Variants in CNTN4 observed in about 807,000 individuals in gnomAD.
The protein encoded by CNTN4 is contactin-4.
In CNTN4, 77 loss-of-function variants were observed where a neutral mutation model predicts 122.5. The observed-to-expected ratio is 0.63, with a 90% CI of 0.52 to 0.76. The LOEUF (loss-of-function observed/expected upper bound fraction) is 0.76, where lower values mean the gene tolerates loss of function less well. Ranked by LOEUF, CNTN4 falls within the 30% of genes least tolerant of loss-of-function variation. The pLI is 0.00. For synonymous variants in CNTN4, 512 were observed against 447.0 expected (o/e 1.15, Z -1.83); for missense variants, 1,256 against 1,259.1 (o/e 1.00, Z 0.04).
chr3:2,459,734 A>T (rs2049132539), intron 3 of CNTN4, among the ~76,000 whole-genome samples: 1 of 152,152 alleles, frequency 6.6e-6, no homozygotes, highest in African/African-American at 2.4e-5. Flanking sequence ...TATGGCTGCA[A>T]CAAAAGGCTA....
intron 3 of CNTN4, among the ~76,000 whole-genome samples, chr3:2,550,958 G>A (rs1176439971): frequency 2.0e-5 from 3 of 152,028 alleles, no homozygotes; most frequent in Non-Finnish European, 2.9e-5. Flanking sequence ...CGGGGGAGTG[G>A]GGAAGCTAGT....
At chr3:2,852,674 T>G (rs2093566487) in intron 7 of CNTN4, among the ~76,000 whole-genome samples, 1 of 152,206 alleles carries the variant, frequency 6.6e-6, no homozygotes, top group African/African-American at 2.4e-5. Flanking sequence ...TAAGTAACTT[T>G]CCATGCTCAC....
At chr3:2,244,837 G>C (rs1243575081) in intron 2 of CNTN4, among the ~76,000 whole-genome samples, 1 of 152,046 alleles carries the variant, frequency 6.6e-6, no homozygotes, top group Non-Finnish European at 1.5e-5. Flanking sequence ...TCAAGGGCTT[G>C]TGCTCTGAAT....
chr3:2,703,963 G>C (rs554285871), intron 4 of CNTN4, among the ~76,000 whole-genome samples: 2 of 152,156 alleles, frequency 1.3e-5, no homozygotes, highest in African/African-American at 4.8e-5. Context: ...AAGAGGAGAA[G>C]AGATGAGAAA....
chr3:2,829,677 A>T (rs536295416), intron 7 of CNTN4, among the ~76,000 whole-genome samples: 2 of 152,342 alleles, frequency 1.3e-5, no homozygotes, highest in South Asian at 4.1e-4. Context: ...TGAATGTTTC[A>T]TGACTATACT....
At chr3:2,314,930 AT>A (rs2043042893) in intron 2 of CNTN4, among the ~76,000 whole-genome samples, 2 of 152,066 alleles carry the variant, frequency 1.3e-5, no homozygotes. Context: ...TTATTATATC[AT>A]GTTTCAGGTA....
intron 4 of CNTN4, among the ~76,000 whole-genome samples, chr3:2,641,392 G>A (rs1403957915): frequency 6.6e-6 from 1 of 152,102 alleles, no homozygotes. Context: ...CACTTAAATT[G>A]TCCAGAAATC....
chr3:2,888,873 A>G (rs1230536198), intron 10 of CNTN4, among the ~76,000 whole-genome samples: 1 of 152,072 alleles, frequency 6.6e-6, no homozygotes, highest in Non-Finnish European at 1.5e-5. Flanking sequence ...TCCACTCAGC[A>G]CAAATTCCTG....
rs186928409 is a variant in CNTN4, at chr3:2,207,235, T to A, written c.-145+106596T>A. On this transcript the variant is annotated intron_variant, in intron 2 of 24. Coordinates refer to ENST00000418658, the MANE Select transcript of CNTN4 (RefSeq NM_175607.3). The stretch of plus-strand genomic sequence containing the variant: ...CTCTGAGACACAATAATATTGAAAT[T>A]AGGCCGATTAATAACCCTCCAATGG... Among the ~76,000 whole-genome samples, 45 of 152,182 alleles carry A rather than the reference T, an allele frequency of 3.0e-4. 1 individual carries two copies. The highest frequency in any genetic ancestry group is 2.6e-3 in the Admixed American group (40 of 15,234).
chr3:2,644,062 G>A (rs1353827842), intron 4 of CNTN4, among the ~76,000 whole-genome samples: 2 of 152,158 alleles, frequency 1.3e-5, no homozygotes, highest in Non-Finnish European at 2.9e-5. Context: ...TCCTCCTTAT[G>A]ATTCCATTTA....
intron 2 of CNTN4, among the ~76,000 whole-genome samples, chr3:2,333,581 T>C (rs2043823149): frequency 6.6e-6 from 1 of 152,236 alleles, no homozygotes; most frequent in African/African-American, 2.4e-5. Flanking sequence ...TTATGTATCA[T>C]CTTGTATTTT....
rs184269227 is a variant in CNTN4 at position 2,254,524 on chromosome 3, C to T, written c.-144-84654C>T. 1.4e-4 allele frequency among the ~76,000 whole-genome samples: 21 copies of T among 152,148 alleles called. No homozygotes were observed. The East Asian group carries it at 3.3e-3, about 24-fold the overall frequency. ...TCCCACTAACAGTGTAAAAGCATTC[C>T]TATTTCTCCACATCCTCTCCGGCAT... On this transcript the variant is annotated intron_variant, in intron 2 of 24. Transcript: ENST00000418658.
intron 3 of CNTN4, among the ~76,000 whole-genome samples, chr3:2,543,505 A>C (rs919644059): frequency 5.3e-5 from 8 of 152,060 alleles, no homozygotes; most frequent in Admixed American, 5.2e-4. Flanking sequence ...CGGGTTTAGC[A>C]CTGGACTCTG....
intron 3 of CNTN4, among the ~76,000 whole-genome samples, chr3:2,426,755 A>T (rs536683748): frequency 6.6e-6 from 1 of 152,122 alleles, no homozygotes; most frequent in African/African-American, 2.4e-5. Flanking sequence ...AGTGGCTGTT[A>T]TTGGTCTATT....
chr3:2,521,658 TA>T (rs1259305865), intron 3 of CNTN4, among the ~76,000 whole-genome samples: 2 of 152,084 alleles, frequency 1.3e-5, no homozygotes, highest in Non-Finnish European at 2.9e-5. Context: ...TTTCACCGTA[TA>T]AAAAGAAAAT....
In CNTN4 at chr3:2,705,974, TTA is replaced by T. The variant is rs1162057311; in HGVS notation, c.56-30236_56-30235del. On this transcript the variant is annotated intron_variant, in intron 4 of 24. Transcript: ENST00000418658. ...AATATATAAATATATAAAATATATA[TTA>T]TATAAAATATAAAATAAATATATAA... Among the ~76,000 whole-genome samples the T allele has an allele frequency of 7.0e-4, 93 of 133,444 alleles. 1 individual carries two copies. The South Asian group carries it at 9.3e-3, about 13-fold the overall frequency. 87.5% of individuals were successfully genotyped at this position (133,444 alleles called of 152,430 possible). A position where few individuals can be genotyped will look rare whatever the true frequency, so the allele number is the denominator to read the frequency against.
chr3:2,982,248 G>T (rs546108191), intron 13 of CNTN4, among the ~76,000 whole-genome samples: 2 of 152,200 alleles, frequency 1.3e-5, no homozygotes, highest in South Asian at 4.2e-4. Context: ...TTCTATCAAG[G>T]CAGTCATCAC....
chr3:2,553,543 A>G (rs186995507), intron 3 of CNTN4, among the ~76,000 whole-genome samples: 1 of 152,304 alleles, frequency 6.6e-6, no homozygotes, highest in Non-Finnish European at 1.5e-5. Flanking sequence ...ACCTAAAGGC[A>G]TTTAACAGTG....
intron 4 of CNTN4, among the ~76,000 whole-genome samples, chr3:2,599,872 C>T (rs1447082213): frequency 6.6e-6 from 1 of 152,062 alleles, no homozygotes; most frequent in Non-Finnish European, 1.5e-5. Flanking sequence ...TTGCCTGAAG[C>T]TTGAGTTACT....
Sources: allele counts gnomAD v4.1 joint callset (sites outside exome capture counted in the v4.1 genomes callset), GRCh38; gene constraint gnomAD v4.1.1; transcripts MANE v1.5; gene names NCBI Gene and HGNC (gene_info 2026-07-23, HGNC 2026-07-21).